Variants in DNAAF11 observed in about 807,000 individuals in gnomAD.
The protein encoded by DNAAF11 is dynein axonemal assembly factor 11, also known as leucine rich repeat containing 6.
In DNAAF11, 45 loss-of-function variants were observed where a neutral mutation model predicts 60.8. The observed-to-expected ratio is 0.74, with a 90% CI of 0.58 to 0.95. The LOEUF is 0.95. Among genes scored for constraint, DNAAF11 ranks in the 40% least tolerant of loss-of-function variants. The probability of loss-of-function intolerance (pLI) is 0.00; values close to 1 mark genes in which losing one functional copy is unlikely to be tolerated. For missense variants in DNAAF11, 546 were observed against 546.2 expected, an observed-to-expected ratio of 1.00 and a Z score of 0.00; for synonymous variants, 191 against 183.5, an observed-to-expected ratio of 1.04 and a Z score of -0.33.
chr8:132,615,206 C>A, intron 7 of DNAAF11, 109 bp from the exon 8 acceptor site: 1 of 551,244 alleles, frequency 1.8e-6, no homozygotes, highest in Non-Finnish European at 3.2e-6. Context: ...TAATAATATC[C>A]AAAGACAACT....
chr8:132,672,756 A>G (rs1305635178), intron 1 of DNAAF11, among the ~76,000 whole-genome samples: 1 of 152,144 alleles, frequency 6.6e-6, no homozygotes, highest in African/African-American at 2.4e-5. Context: ...CAGGAGCCCA[A>G]ATTTCTCCTT....
In DNAAF11 at chr8:132,572,354, C is replaced by G; in HGVS notation, c.1353G>C (p.Glu451Asp). ...RRPEPKIIPS[E>D]EDPTFEDNPE... The stretch of plus-strand genomic sequence containing the variant: ...GGTTGTCTTCAAAGGTTGGGTCTTC[C>G]TCACTTGGTATAATTTTGGGTTCAG... The change falls in exon 12 of 12, where the codon GAG becomes GAC. Residue 451 changes from glutamate to aspartate, a missense_variant. Glu to Asp is a conservative substitution (Grantham distance 45, BLOSUM62 2). Transcript: ENST00000620350. 6.2e-7 allele frequency: 1 copy of G among 1,613,964 alleles called. No homozygotes were observed. The highest frequency in any genetic ancestry group is 8.5e-7 in the Non-Finnish European group (1 of 1,179,922).
chr8:132,687,584 A>G, the DNAAF11 span: 1 of 456,102 alleles, frequency 2.2e-6, no homozygotes, highest in Non-Finnish European at 4.4e-6. Flanking sequence ...TTGAGTTCTC[A>G]CCAGGTGCTG....
chr8:132,653,291 GA>G (rs1447354983), intron 3 of DNAAF11, among the ~76,000 whole-genome samples: 1 of 152,040 alleles, frequency 6.6e-6, no homozygotes, highest in Non-Finnish European at 1.5e-5. Context: ...CTCTATCTGG[GA>G]AAACTCTCCT....
At chr8:132,654,581 T>C (rs561339613) in intron 3 of DNAAF11, among the ~76,000 whole-genome samples, 1 of 151,962 alleles carries the variant, frequency 6.6e-6, no homozygotes, top group African/African-American at 2.4e-5. Context: ...TATTTCTTTC[T>C]TTGACCTCAA....
At chr8:132,596,256 T>G (rs1389850329) in intron 10 of DNAAF11, among the ~76,000 whole-genome samples, 3 of 152,152 alleles carry the variant, frequency 2.0e-5, no homozygotes, top group African/African-American at 7.2e-5. Context: ...GAGGAAAATT[T>G]TTAAAGATGT....
intron 3 of DNAAF11, among the ~76,000 whole-genome samples, chr8:132,652,932 A>C (rs1294769363): frequency 1.3e-5 from 2 of 152,174 alleles, no homozygotes; most frequent in Non-Finnish European, 2.9e-5. Context: ...CAGAACTTCA[A>C]GTATAATAAA....
chr8:132,640,202 C>G (rs892271282), intron 3 of DNAAF11, among the ~76,000 whole-genome samples: 2 of 152,190 alleles, frequency 1.3e-5, no homozygotes, highest in South Asian at 2.1e-4. Flanking sequence ...AACAGCGATA[C>G]TACTCTCTCC....
chr8:132,579,481 G>T (rs1409339332), intron 11 of DNAAF11, among the ~76,000 whole-genome samples: 1 of 152,090 alleles, frequency 6.6e-6, no homozygotes, highest in Non-Finnish European at 1.5e-5. Context: ...CCTGGACCAC[G>T]TGATCAGTGG....
the DNAAF11 span, among the ~76,000 whole-genome samples, chr8:132,700,540 T>C: frequency 2.8e-5 from 4 of 141,432 alleles, no homozygotes; most frequent in African/African-American, 1.0e-4. Flanking sequence ...AAAAAAAAAT[T>C]AGCCAGATGC....
At chr8:132,692,547 G>A in the DNAAF11 span, among the ~76,000 whole-genome samples, 1 of 152,204 alleles carries the variant, frequency 6.6e-6, no homozygotes, top group Admixed American at 6.5e-5. Context: ...GGAGTCAGTG[G>A]TGAAGACAAA....
At chr8:132,699,853 G>T in the DNAAF11 span, among the ~76,000 whole-genome samples, 2 of 152,128 alleles carry the variant, frequency 1.3e-5, no homozygotes, top group Non-Finnish European at 2.9e-5. Flanking sequence ...AATGCAATAG[G>T]TCACATATCA....
intron 3 of DNAAF11, among the ~76,000 whole-genome samples, chr8:132,647,170 C>T (rs202080992): frequency 5.9e-5 from 9 of 152,064 alleles, no homozygotes; most frequent in East Asian, 1.9e-4. Flanking sequence ...CAATCAAACT[C>T]GAACTCAAGA....
intron 9 of DNAAF11, among the ~76,000 whole-genome samples, 173 bp from the exon 10 acceptor site, chr8:132,610,434 C>T (rs991087919): frequency 6.6e-6 from 1 of 152,056 alleles, no homozygotes. Flanking sequence ...ACTATTTTAC[C>T]TATTTTAACA....
Position 132,574,378 on chromosome 8 carries a change from A to C in DNAAF11, c.1227-1898T>G, listed in dbSNP as rs141825775. Among the ~76,000 whole-genome samples, 895 of 152,282 alleles carry C rather than the reference A, an allele frequency of 5.9e-3. 18 individuals carry two copies. Among genetic ancestry groups the C allele is most frequent in the African/African-American group, 0.02 (847 of 41,556 alleles). The stretch of plus-strand genomic sequence containing the variant: ...ACTGTGCCTTGCAATGTGTGCAGTC[A>C]ATTTGGTTTATGCTTTCCTTCTGGG... On this transcript the variant is annotated intron_variant, in intron 11 of 11. Coordinates refer to ENST00000620350, the MANE Select transcript of DNAAF11 (RefSeq NM_012472.6).
rs530590992 is a variant in DNAAF11 at position 132,573,606 on chromosome 8, A to T, written c.1227-1126T>A. ...TTTCTATTGGGGAAATAATGAAATTATATAAGAAATTATCTCTGACCTAAA... is the reference window on the plus strand; with the variant it reads ...TTTCTATTGGGGAAATAATGAAATTTTATAAGAAATTATCTCTGACCTAAA... On this transcript the variant is annotated intron_variant, in intron 11 of 11. Transcript: ENST00000620350. 4.6e-5 allele frequency among the ~76,000 whole-genome samples: 7 copies of T among 152,346 alleles called. No homozygotes were observed. In the South Asian group the frequency reaches 1.5e-3, roughly 32 times the overall value.
intron 10 of DNAAF11, among the ~76,000 whole-genome samples, chr8:132,594,905 G>C (rs145904069): frequency 9.2e-5 from 14 of 152,096 alleles, no homozygotes; most frequent in African/African-American, 3.4e-4. Context: ...AATGGGGGTG[G>C]TTTCCCCCAT....
chr8:132,604,359 C>G (rs1260292887), intron 10 of DNAAF11, among the ~76,000 whole-genome samples: 3 of 152,142 alleles, frequency 2.0e-5, no homozygotes, highest in Non-Finnish European at 4.4e-5. Context: ...ATCTTCACTT[C>G]TTATGCTCAG....
At chr8:132,665,041 T>C (rs140189881) in intron 1 of DNAAF11, among the ~76,000 whole-genome samples, 2 of 152,030 alleles carry the variant, frequency 1.3e-5, no homozygotes, top group African/African-American at 4.8e-5. Context: ...TATATACAAT[T>C]AGGATACATT....
Sources: gnomAD v4.1 joint callset for allele counts (sites outside exome capture counted in the v4.1 genomes callset) on GRCh38, gnomAD v4.1.1 for gene constraint, MANE v1.5 for transcripts, NCBI Gene and HGNC (gene_info 2026-07-23, HGNC 2026-07-21) for gene names.